The following SEMA3A variants were observed in gnomAD, a reference collection of about 807,000 sequenced individuals.
The protein encoded by SEMA3A is semaphorin 3A.
In SEMA3A, 29 loss-of-function variants were observed where a neutral mutation model predicts 97.9. That is an observed-to-expected ratio of 0.30 (90% CI 0.22 to 0.40). The LOEUF is 0.40. SEMA3A is among the 10% of genes least tolerant of loss of function. The pLI is 1.00. For missense variants in SEMA3A, 763 were observed against 951.3 expected, an observed-to-expected ratio of 0.80 and a Z score of 2.60; for synonymous variants, 321 against 323.7, an observed-to-expected ratio of 0.99 and a Z score of 0.09.
intron 1 of SEMA3A, among the ~76,000 whole-genome samples, chr7:84,171,977 A>C (rs1797396242): frequency 6.6e-6 from 1 of 152,216 alleles, no homozygotes; most frequent in Admixed American, 6.5e-5. Context: ...GTAGCAGAAG[A>C]AAGCTTCCTC....
intron 2 of SEMA3A, among the ~76,000 whole-genome samples, chr7:84,327,816 A>G (rs1801806244): frequency 6.6e-6 from 1 of 152,008 alleles, no homozygotes. Flanking sequence ...CAATGTAGAA[A>G]AGCAGCTATG....
chr7:84,333,658 C>T (rs1437535073), intron 2 of SEMA3A, among the ~76,000 whole-genome samples: 2 of 152,018 alleles, frequency 1.3e-5, no homozygotes, highest in Non-Finnish European at 2.9e-5. Flanking sequence ...GGTAAATGTG[C>T]TAATTTTGAA....
intron 4 of SEMA3A, among the ~76,000 whole-genome samples, chr7:84,063,992 G>T (rs927280757): frequency 5.9e-5 from 9 of 151,420 alleles, no homozygotes; most frequent in Non-Finnish European, 1.0e-4. Context: ...TTGAAATGAA[G>T]GAAAAAATGT....
chr7:84,259,181 T>C (rs950861925), intron 3 of SEMA3A, among the ~76,000 whole-genome samples: 3 of 152,210 alleles, frequency 2.0e-5, no homozygotes, highest in African/African-American at 7.2e-5. Context: ...CAATAATAAT[T>C]TCCAGCAACT....
rs1427852196 is a variant in SEMA3A at position 84,050,465 on chromosome 7, G to A, written c.548-4022C>T. 5.3e-5 allele frequency among the ~76,000 whole-genome samples: 8 copies of A among 152,056 alleles called. No homozygotes were observed. In the South Asian group the frequency reaches 6.2e-4, roughly 12 times the overall value. ...TGCATTTCTCTGATGGCCAGTGATG[G>A]TGAGCATTTTTTCATGTGTTTTTTG... On this transcript the variant is annotated intron_variant, in intron 5 of 16. Coordinates refer to ENST00000265362, the MANE Select transcript of SEMA3A (RefSeq NM_006080.3).
chr7:84,349,400 G>T (rs1007716979), intron 2 of SEMA3A, among the ~76,000 whole-genome samples: 1 of 152,128 alleles, frequency 6.6e-6, no homozygotes, highest in African/African-American at 2.4e-5. Context: ...AATGGGTATT[G>T]TCCTGCTCTC....
At chr7:84,198,969 T>G (rs1346566830), upstream of SEMA3A, among the ~76,000 whole-genome samples, 2 of 152,218 alleles carry the variant, frequency 1.3e-5, no homozygotes, top group Non-Finnish European at 2.9e-5. Context: ...GGCTATGTAT[T>G]TTTTATCTTT....
At chr7:84,171,466 A>C (rs1176883067) in intron 1 of SEMA3A, among the ~76,000 whole-genome samples, 2 of 152,168 alleles carry the variant, frequency 1.3e-5, no homozygotes, top group Admixed American at 6.5e-5. Flanking sequence ...GTGGATTAAC[A>C]CTTTGCCCTG....
At chr7:84,026,568 C>T (rs1420032849) in intron 6 of SEMA3A, among the ~76,000 whole-genome samples, 1 of 152,064 alleles carries the variant, frequency 6.6e-6, no homozygotes, top group African/African-American at 2.4e-5. Flanking sequence ...TAGCACTGTT[C>T]ACAATAGCAA....
At chr7:84,186,923 A>G (rs1489309352) in intron 1 of SEMA3A, among the ~76,000 whole-genome samples, 1 of 152,168 alleles carries the variant, frequency 6.6e-6, no homozygotes, top group Non-Finnish European at 1.5e-5. Context: ...TCATGTTCAC[A>G]CTTTAGCAAA....
intron 2 of SEMA3A, among the ~76,000 whole-genome samples, chr7:84,358,666 C>T (rs1157826232): frequency 6.6e-6 from 1 of 152,132 alleles, no homozygotes; most frequent in East Asian, 1.9e-4. Context: ...TTTTCCAATT[C>T]TCTGAAGGAA....
At position 84,007,511 on chromosome 7, in the gene SEMA3A, C is replaced by A; in HGVS notation, c.996-14G>T. The stretch of plus-strand genomic sequence containing the variant: ...TTGAAAATGTTACTGAACAAGACAG[C>A]AAGAATAAAAACAGAAGTTCATCTT... On this transcript the variant is annotated splice_polypyrimidine_tract_variant and intron_variant, in intron 9 of 16. Coordinates refer to ENST00000265362, the MANE Select transcript of SEMA3A (RefSeq NM_006080.3). The A allele has an allele frequency of 2.0e-6, 3 of 1,507,680 alleles. No homozygotes were observed. Among genetic ancestry groups the A allele is most frequent in the South Asian group, 1.4e-5 (1 of 73,330 alleles). The allele number at this position is 1,507,680 out of a possible 1,614,324, so 93.4% of individuals were successfully genotyped here. A position where few individuals can be genotyped will look rare whatever the true frequency, so the allele number is the denominator to read the frequency against.
At chr7:83,991,036 T>A (rs1341522238) in intron 12 of SEMA3A, among the ~76,000 whole-genome samples, 2 of 151,068 alleles carry the variant, frequency 1.3e-5, no homozygotes, top group Non-Finnish European at 3.0e-5. Context: ...GTCCTTCACA[T>A]CCCTTGTAAG....
intron 2 of SEMA3A, among the ~76,000 whole-genome samples, chr7:84,360,816 G>A (rs552655903): frequency 1.3e-5 from 2 of 151,500 alleles, no homozygotes; most frequent in East Asian, 2.0e-4. Flanking sequence ...TTTTTTTTGA[G>A]AGTGTCTCGC....
intron 6 of SEMA3A, among the ~76,000 whole-genome samples, chr7:84,025,116 G>A (rs1030420305): frequency 6.6e-6 from 1 of 152,038 alleles, no homozygotes; most frequent in Non-Finnish European, 1.5e-5. Context: ...ATAAAAATAA[G>A]TAATGGTAAC....
intron 1 of SEMA3A, among the ~76,000 whole-genome samples, chr7:84,403,586 C>T (rs1343932927): frequency 6.6e-6 from 1 of 152,198 alleles, no homozygotes; most frequent in Admixed American, 6.5e-5. Context: ...TGAGAACGGG[C>T]AGACTGCCTC....
chr7:84,184,877 G>C (rs947585398), intron 1 of SEMA3A, among the ~76,000 whole-genome samples: 1 of 152,272 alleles, frequency 6.6e-6, no homozygotes, highest in East Asian at 1.9e-4. Context: ...GTGCCCAGAA[G>C]AGAGCAGAGA....
At chr7:84,360,787 A>T (rs1428795013) in intron 2 of SEMA3A, among the ~76,000 whole-genome samples, 1 of 151,744 alleles carries the variant, frequency 6.6e-6, no homozygotes, top group Non-Finnish European at 1.5e-5. Context: ...TAAAACCTAC[A>T]TTTTTTATTT....
At chr7:84,250,226 T>A (rs1012258241) in intron 3 of SEMA3A, among the ~76,000 whole-genome samples, 7 of 151,788 alleles carry the variant, frequency 4.6e-5, no homozygotes, top group Non-Finnish European at 7.4e-5. Flanking sequence ...TAGAGATATA[T>A]AAAAATTTAC....
Sources: allele counts gnomAD v4.1 joint callset (sites outside exome capture counted in the v4.1 genomes callset), GRCh38; gene constraint gnomAD v4.1.1; transcripts MANE v1.5; gene names NCBI Gene and HGNC (gene_info 2026-07-23, HGNC 2026-07-21).